Variants in PPP2R1A observed in about 807,000 individuals in gnomAD.
The protein encoded by PPP2R1A is protein phosphatase 2 scaffold subunit Aalpha.
In PPP2R1A, 15 loss-of-function variants were observed where a neutral mutation model predicts 67.1. The ratio of observed to expected loss-of-function variants is 0.22; its 90% confidence interval spans 0.15 to 0.34. The LOEUF is 0.34. Among genes scored for constraint, PPP2R1A ranks in the 10% least tolerant of loss-of-function variants. The pLI is 1.00. For synonymous variants in PPP2R1A, 337 were observed against 325.0 expected (o/e 1.04, Z -0.40); for missense variants, 369 against 775.0 (o/e 0.48, Z 6.22).
chr19:52,211,791 A>C lies in PPP2R1A; in HGVS notation c.503+299A>C, dbSNP rs150916981. ...TATCACACATAAAGTGCTTAGAGCA[A>C]AATCTGGAACATAAAAACTTTCAGC... is the stretch of plus-strand genomic sequence containing the variant. On this transcript the variant is annotated intron_variant, in intron 4 of 14. Coordinates refer to ENST00000322088, the MANE Select transcript of PPP2R1A (RefSeq NM_014225.6). The surrounding 1 kb of genome is among the most constrained non-coding windows in gnomAD (Gnocchi z 5.3). The C allele has an allele frequency of 4.9e-6, 2 of 410,356 alleles. No homozygotes were observed. The highest frequency in any genetic ancestry group is 4.1e-5 in the African/African-American group (2 of 49,052). 25.4% of individuals were successfully genotyped at this position (410,356 alleles called of 1,614,324 possible). A position where few individuals can be genotyped will look rare whatever the true frequency, so the allele number is the denominator to read the frequency against.
intron 9 of PPP2R1A, among the ~76,000 whole-genome samples, chr19:52,218,431 TA>T (rs1396945836): frequency 2.0e-5 from 3 of 152,032 alleles, no homozygotes; most frequent in Non-Finnish European, 4.4e-5. Flanking sequence ...CTATTTTTAA[TA>T]TTTTTTTGTT....
At chr19:52,200,419 G>A (rs1023050622) in intron 1 of PPP2R1A, 1 of 152,212 alleles carries the variant, frequency 6.6e-6, no homozygotes, top group African/African-American at 2.4e-5. Context: ...TTACCTCTCT[G>A]ATCGTCACTT....
At chr19:52,191,754 T>A (rs546412208) in intron 1 of PPP2R1A, among the ~76,000 whole-genome samples, 1 of 152,296 alleles carries the variant, frequency 6.6e-6, no homozygotes, top group African/African-American at 2.4e-5. Flanking sequence ...ATGTATGAGA[T>A]ATGATGCTGG....
intron 3 of PPP2R1A, among the ~76,000 whole-genome samples, chr19:52,207,369 G>T (rs1465634457): frequency 1.3e-5 from 2 of 152,250 alleles, no homozygotes; most frequent in East Asian, 1.9e-4. Context: ...TTATGAAACC[G>T]CAAGGCTTCA....
At chr19:52,208,291 C>T (rs999003912) in intron 3 of PPP2R1A, among the ~76,000 whole-genome samples, 11 of 151,960 alleles carry the variant, frequency 7.2e-5, no homozygotes, top group Non-Finnish European at 1.5e-4. Flanking sequence ...GCCTCAGCCT[C>T]ACGAGTAGCT....
chr19:52,213,136 C>T lies in PPP2R1A; in HGVS notation c.807+26C>T. 2 of 1,530,276 alleles carry T rather than the reference C, an allele frequency of 1.3e-6. No individual in the cohort carries two copies. Among genetic ancestry groups the T allele is most frequent in the Non-Finnish European group, 1.7e-6 (2 of 1,144,648 alleles). The allele number at this position is 1,530,276 out of a possible 1,614,324, so 94.8% of individuals were successfully genotyped here. A position where few individuals can be genotyped will look rare whatever the true frequency, so the allele number is the denominator to read the frequency against. ...GTAGATGAGCGACCGTTGACATTGT[C>T]CCACTGGTGGGGACACTGACACTCT... On this transcript the variant is annotated intron_variant, in intron 6 of 14. Coordinates refer to ENST00000322088, the MANE Select transcript of PPP2R1A (RefSeq NM_014225.6). This position sits in a 1 kb window ranked among gnomAD's most constrained non-coding sequence, Gnocchi z 4.2.
At chr19:52,218,065 G>T (rs567084225) in intron 9 of PPP2R1A, among the ~76,000 whole-genome samples, 1 of 152,292 alleles carries the variant, frequency 6.6e-6, no homozygotes, top group Non-Finnish European at 1.5e-5. Context: ...GATACGGAAG[G>T]ATTCAAGATT....
chr19:52,209,209 A>G (rs748766907), intron 3 of PPP2R1A, among the ~76,000 whole-genome samples: 2 of 146,930 alleles, frequency 1.4e-5, no homozygotes, highest in Non-Finnish European at 3.1e-5. Context: ...TCCTTATAAC[A>G]GATTGCCGTA....
At chr19:52,220,302 G>A in intron 11 of PPP2R1A, 53 bp downstream of exon 11, 8 of 1,585,866 alleles carry the variant, frequency 5.0e-6, no homozygotes, top group Non-Finnish European at 6.9e-6. Flanking sequence ...AGAAAGGCAG[G>A]ATGGATTGGC....
intron 10 of PPP2R1A, 103 bp from the exon 11 acceptor site, chr19:52,220,086 C>T (rs1201629894): frequency 2.3e-5 from 31 of 1,351,600 alleles, no homozygotes; most frequent in Middle Eastern, 1.8e-4. Context: ...GAGAAGTGTC[C>T]GGTCTTTCTA....
At chr19:52,190,692 T>C (rs761832740) in intron 1 of PPP2R1A, among the ~76,000 whole-genome samples, 28 of 152,162 alleles carry the variant, frequency 1.8e-4, no homozygotes, top group Non-Finnish European at 3.1e-4. Flanking sequence ...CTCATTTTGG[T>C]TTAGGTGTCC....
rs1979408731 is a variant in PPP2R1A, at chr19:52,228,878, T to C, written c.*2897T>C. ...GATGTGGATGAGGTCGAGTCACTTG[T>C]TGCCTTTGGCTAATGCATAGGGGCA... On this transcript the variant is annotated 3_prime_UTR_variant, in exon 15 of 15. Transcript: ENST00000322088. The C allele has an allele frequency of 6.6e-6, 1 of 152,270 alleles. No homozygotes were observed. The highest frequency in any genetic ancestry group is 2.4e-5 in the African/African-American group (1 of 41,468). 9.4% of individuals were successfully genotyped at this position (152,270 alleles called of 1,614,324 possible).
chr19:52,218,713 G>A (rs371201378), intron 9 of PPP2R1A, among the ~76,000 whole-genome samples: 7 of 152,256 alleles, frequency 4.6e-5, no homozygotes, highest in African/African-American at 1.2e-4. Flanking sequence ...CCTCTCCAGC[G>A]TTTTGGGGAT....
intron 12 of PPP2R1A, 74 bp downstream of exon 12, chr19:52,221,207 T>C: frequency 6.3e-7 from 1 of 1,581,232 alleles, no homozygotes; most frequent in Non-Finnish European, 8.7e-7. Flanking sequence ...TGCTAGAGGG[T>C]TCCCCAAGGG....
chr19:52,226,972 C>G lies in PPP2R1A; in HGVS notation c.*991C>G, dbSNP rs554191078. The G allele has an allele frequency of 6.6e-6, 1 of 152,260 alleles. No homozygotes were observed. The highest frequency in any genetic ancestry group is 1.9e-4 in the East Asian group (1 of 5,176). The allele number at this position is 152,260 out of a possible 1,614,324, so 9.4% of individuals were successfully genotyped here. A position where few individuals can be genotyped will look rare whatever the true frequency, so the allele number is the denominator to read the frequency against. ...CTTGAAGAAGACTTGGGCTTGGACC[C>G]TGTCCCCAGGAGGTCTCAGAGTAAT... On this transcript the variant is annotated 3_prime_UTR_variant, in exon 15 of 15. Coordinates refer to ENST00000322088, the MANE Select transcript of PPP2R1A (RefSeq NM_014225.6).
intron 1 of PPP2R1A, among the ~76,000 whole-genome samples, chr19:52,194,088 CA>C (rs915576804): frequency 0.05 from 3,031 of 60,558 alleles, 7 homozygotes; most frequent in Middle Eastern, 0.068. Flanking sequence ...ACCCTGTCTC[CA>C]AAAAAAAAAA....
At chr19:52,192,259 G>A (rs773149423) in intron 1 of PPP2R1A, among the ~76,000 whole-genome samples, 1 of 151,970 alleles carries the variant, frequency 6.6e-6, no homozygotes, top group Non-Finnish European at 1.5e-5. Flanking sequence ...AGAAGGTGGG[G>A]GAGAGCCTCC....
At chr19:52,222,318 GC>G in intron 13 of PPP2R1A, 77 bp downstream of exon 13, 1 of 1,531,202 alleles carries the variant, frequency 6.5e-7, no homozygotes, top group Non-Finnish European at 8.8e-7. Flanking sequence ...TGAAGGTAGA[GC>G]CCAGGGTCAG....
At chr19:52,202,618 T>C (rs553202628) in intron 2 of PPP2R1A, among the ~76,000 whole-genome samples, 219 of 152,304 alleles carry the variant, frequency 1.4e-3, no homozygotes, top group Non-Finnish European at 2.1e-3. Flanking sequence ...AGAGGTGAAG[T>C]GATTCATTTG....
Sources: allele counts gnomAD v4.1 joint callset (sites outside exome capture counted in the v4.1 genomes callset), GRCh38; gene constraint gnomAD v4.1.1; non-coding constraint Gnocchi (gnomAD v3.1); transcripts MANE v1.5; gene names NCBI Gene and HGNC (gene_info 2026-07-23, HGNC 2026-07-21).